TMEM232: variants seen among roughly 807,000 people sequenced by gnomAD.
TMEM232 encodes transmembrane protein 232.
A neutral mutation model predicts 78.8 loss-of-function variants in TMEM232; 80 were observed. The ratio of observed to expected loss-of-function variants is 1.01; its 90% CI spans 0.85 to 1.22. The LOEUF (loss-of-function observed/expected upper bound fraction) is 1.22, where lower values mean the gene tolerates loss of function less well. TMEM232 is among the 50% of genes most tolerant of loss of function. The pLI, the probability that TMEM232 is intolerant of heterozygous loss-of-function variation, is 0.00. For synonymous variants in TMEM232, 297 were observed against 254.3 expected (o/e 1.17, Z -1.60); for missense variants, 881 against 742.2 (o/e 1.19, Z -2.17).
At chr5:110,592,784 A>G (rs1779683085) in intron 10 of TMEM232, among the ~76,000 whole-genome samples, 1 of 152,198 alleles carries the variant, frequency 6.6e-6, no homozygotes, top group Non-Finnish European at 1.5e-5. Context: ...CCGCCTCTCT[A>G]TCACTGTGCC....
At chr5:110,617,394 G>T (rs914213209) in intron 8 of TMEM232, among the ~76,000 whole-genome samples, 3 of 151,980 alleles carry the variant, frequency 2.0e-5, no homozygotes, top group Non-Finnish European at 4.4e-5. Context: ...AATATATTTT[G>T]AAATTGCTAA....
At chr5:110,642,979 G>A (rs1440433309) in intron 2 of TMEM232, among the ~76,000 whole-genome samples, 1 of 151,800 alleles carries the variant, frequency 6.6e-6, no homozygotes, top group African/African-American at 2.4e-5. Flanking sequence ...GAGGTGGGAT[G>A]TAGCAAAAGG....
At chr5:110,719,977 C>T (rs1797425081) in intron 1 of TMEM232, among the ~76,000 whole-genome samples, 1 of 152,084 alleles carries the variant, frequency 6.6e-6, no homozygotes, top group Non-Finnish European at 1.5e-5. Flanking sequence ...TCTTACTTGT[C>T]CCTTGTTCTG....
chr5:110,698,726 T>A (rs1057484922), intron 1 of TMEM232, among the ~76,000 whole-genome samples: 2 of 152,040 alleles, frequency 1.3e-5, no homozygotes, highest in Non-Finnish European at 2.9e-5. Flanking sequence ...ATGTGTTTGC[T>A]AAGTTCTCCC....
At chr5:110,587,849 G>A (rs1271487531) in intron 10 of TMEM232, among the ~76,000 whole-genome samples, 6 of 150,568 alleles carry the variant, frequency 4.0e-5, no homozygotes, top group Non-Finnish European at 8.9e-5. Flanking sequence ...GTTAACTTCT[G>A]TATATGTATA....
chr5:110,605,731 T>C (rs1034890288), intron 9 of TMEM232, among the ~76,000 whole-genome samples: 29 of 152,212 alleles, frequency 1.9e-4, no homozygotes, highest in Admixed American at 1.5e-3. Flanking sequence ...ATATATCTTA[T>C]GGAGAATAAT....
chr5:110,657,625 T>C lies in TMEM232; in HGVS notation c.125+9603A>G, dbSNP rs1382133427. Reference sequence around the variant, plus strand: ...TGAGGTTGGAGGGAACTGGGAGAGGTTGGTCAATGGGTACAAAGTTACAGT... The same window carrying C: ...TGAGGTTGGAGGGAACTGGGAGAGGCTGGTCAATGGGTACAAAGTTACAGT... On this transcript the variant is annotated intron_variant, in intron 2 of 13. Coordinates refer to ENST00000455884, the MANE Select transcript of TMEM232 (RefSeq NM_001039763.4). Among the ~76,000 whole-genome samples, 3 of 151,992 alleles carry C rather than the reference T, an allele frequency of 2.0e-5. No homozygotes were observed. The East Asian group carries it at 5.8e-4, about 29-fold the overall frequency.
chr5:110,430,557 CA>C (rs1332123807), intron 12 of TMEM232, among the ~76,000 whole-genome samples: 1 of 151,642 alleles, frequency 6.6e-6, no homozygotes, highest in African/African-American at 2.4e-5. Flanking sequence ...TAGAACTTAA[CA>C]ATACAGACAA....
intron 3 of TMEM232, 43 bp downstream of exon 3, chr5:110,642,216 GA>G: frequency 1.6e-6 from 2 of 1,237,486 alleles, no homozygotes; most frequent in Non-Finnish European, 1.1e-6. Flanking sequence ...GTACCAACTA[GA>G]AAGGAAGTTA....
At chr5:110,455,381 T>C (rs1037450485) in intron 12 of TMEM232, among the ~76,000 whole-genome samples, 1 of 129,944 alleles carries the variant, frequency 7.7e-6, no homozygotes, top group Non-Finnish European at 1.6e-5. Flanking sequence ...AGATATAAAC[T>C]TTTTTTTTTT....
rs189259820 is a variant in TMEM232, at chr5:110,463,975, G to A, written c.1704-39059C>T. On this transcript the variant is annotated intron_variant, in intron 12 of 13. Transcript: ENST00000455884. ...TCCTATTTGAAATACTCATCTTCCAGGTATTCACATGGCTGTCTCATTTTA... is the reference window on the plus strand; with the variant it reads ...TCCTATTTGAAATACTCATCTTCCAAGTATTCACATGGCTGTCTCATTTTA... 3.8e-3 allele frequency among the ~76,000 whole-genome samples: 585 copies of A among 152,248 alleles called. 11 individuals carry two copies. The highest frequency in any genetic ancestry group is 0.031 in the Admixed American group (479 of 15,282).
intron 12 of TMEM232, among the ~76,000 whole-genome samples, chr5:110,444,668 G>T (rs1759452514): frequency 6.6e-6 from 1 of 152,060 alleles, no homozygotes; most frequent in Non-Finnish European, 1.5e-5. Flanking sequence ...ACGTTTTGTG[G>T]TCATTTGTTA....
rs565727226 is a variant in TMEM232, at chr5:110,576,577, G to A, written c.1277-7952C>T. On this transcript the variant is annotated intron_variant, in intron 10 of 13. Transcript: ENST00000455884. ...CAACAAAAAAAGCCTGAATAGCCAC[G>A]GCAATTCTAAGCAAAAAGAACAAAG... 4.6e-5 allele frequency among the ~76,000 whole-genome samples: 7 copies of A among 152,080 alleles called. 1 individual carries two copies. In the South Asian group the frequency reaches 6.2e-4, roughly 14 times the overall value.
chr5:110,627,670 A>G, intron 6 of TMEM232, 111 bp downstream of exon 6: 1 of 769,050 alleles, frequency 1.3e-6, no homozygotes, highest in Non-Finnish European at 2.0e-6. Context: ...CACTGCACCT[A>G]TTATCTTTTA....
chr5:110,492,803 C>T (rs1226500459), intron 12 of TMEM232, among the ~76,000 whole-genome samples: 2 of 151,792 alleles, frequency 1.3e-5, no homozygotes, highest in African/African-American at 4.8e-5. Context: ...GGTAATTAGA[C>T]CAAAATATAT....
At chr5:110,508,431 A>G (rs1767215789) in intron 12 of TMEM232, among the ~76,000 whole-genome samples, 1 of 151,242 alleles carries the variant, frequency 6.6e-6, no homozygotes. Context: ...ATATATATAC[A>G]TACACACACA....
At chr5:110,475,737 T>C (rs1326769435) in intron 12 of TMEM232, among the ~76,000 whole-genome samples, 1 of 151,656 alleles carries the variant, frequency 6.6e-6, no homozygotes, top group Non-Finnish European at 1.5e-5. Flanking sequence ...TCTGCAGATA[T>C]CCAGAGTTCC....
At chr5:110,492,239 A>G (rs1056531377) in intron 12 of TMEM232, among the ~76,000 whole-genome samples, 1 of 151,854 alleles carries the variant, frequency 6.6e-6, no homozygotes, top group Non-Finnish European at 1.5e-5. Flanking sequence ...CTTAGATAAT[A>G]AAAGCACATA....
At chr5:110,617,377 TA>T (rs568529936) in intron 8 of TMEM232, among the ~76,000 whole-genome samples, 6 of 150,908 alleles carry the variant, frequency 4.0e-5, no homozygotes, top group South Asian at 2.1e-4. Context: ...GTGACTATGG[TA>T]AAAAAAATAT....
Sources: allele counts gnomAD v4.1 joint callset (sites outside exome capture counted in the v4.1 genomes callset), GRCh38; gene constraint gnomAD v4.1.1; transcripts MANE v1.5; gene names NCBI Gene and HGNC (gene_info 2026-07-23, HGNC 2026-07-21).